Variants in NT5DC1 observed in about 807,000 individuals in gnomAD.
NT5DC1 encodes the protein 5'-nucleotidase domain-containing protein 1.
NT5DC1 carries 42 observed loss-of-function variants against 59.4 expected under a neutral mutation model. The ratio of observed to expected loss-of-function variants is 0.71; its 90% CI spans 0.55 to 0.92. The LOEUF is 0.92. NT5DC1 is among the 40% of genes least tolerant of loss of function. The pLI, the probability that NT5DC1 is intolerant of heterozygous loss-of-function variation, is 0.00. For missense variants in NT5DC1, 501 were observed against 537.1 expected (o/e 0.93, Z 0.66); for synonymous variants, 172 against 188.1 (o/e 0.91, Z 0.70).
Position 116,246,685 on chromosome 6 carries a change from A to T in NT5DC1, c.*2661A>T, listed in dbSNP as rs1035345023. Reference sequence around the variant, plus strand: ...CTTACATCTTTTCAGCCTCTTGAGTACAAGAAGACTATCATAAGAGTTAGT... The same window carrying T: ...CTTACATCTTTTCAGCCTCTTGAGTTCAAGAAGACTATCATAAGAGTTAGT... On this transcript the variant is annotated 3_prime_UTR_variant, in exon 12 of 12. Transcript: ENST00000319550. 3.9e-5 allele frequency: 6 copies of T among 152,172 alleles called. No homozygotes were observed. The highest frequency in any genetic ancestry group is 7.4e-5 in the Non-Finnish European group (5 of 68,004). The allele number at this position is 152,172 out of a possible 1,614,324, so 9.4% of individuals were successfully genotyped here. A position where few individuals can be genotyped will look rare whatever the true frequency, so the allele number is the denominator to read the frequency against.
Position 116,108,769 on chromosome 6 carries a change from C to T in NT5DC1, c.257+334C>T, listed in dbSNP as rs527968279. Among the ~76,000 whole-genome samples the T allele has an allele frequency of 1.1e-4, 16 of 152,240 alleles. No individual in the cohort carries two copies. The East Asian group carries it at 2.9e-3, about 28-fold the overall frequency. On this transcript the variant is annotated intron_variant, in intron 3 of 11. Coordinates refer to ENST00000319550, the MANE Select transcript of NT5DC1 (RefSeq NM_152729.3). ...ACTGTTTTAGCTGACTGTGTGGCTG[C>T]CTAAAATAAAATTGGGATTCTTTTT...
rs6926231 is a variant in NT5DC1, at chr6:116,222,644, A to C, written c.705-390A>C. Among the ~76,000 whole-genome samples the C allele has an allele frequency of 4.3e-3, 651 of 152,302 alleles. 4 individuals carry two copies. Among genetic ancestry groups the C allele is most frequent in the African/African-American group, 0.015 (614 of 41,560 alleles). ...CTGCTTTCTGTGGGACCCATGTAAC[A>C]CACAAAATTGTTAACTCTTCAAGCT... On this transcript the variant is annotated intron_variant, in intron 7 of 11. Coordinates refer to ENST00000319550, the MANE Select transcript of NT5DC1 (RefSeq NM_152729.3).
At chr6:116,122,577 C>A (rs61248677) in intron 6 of NT5DC1, among the ~76,000 whole-genome samples, 7,150 of 152,220 alleles carry the variant, frequency 0.047, 264 homozygotes, top group African/African-American at 0.098. Flanking sequence ...AAAGTTCTTA[C>A]CTAAATACAA....
chr6:116,239,169 A>G, intron 11 of NT5DC1, 46 bp downstream of exon 11: 1 of 1,301,056 alleles, frequency 7.7e-7, no homozygotes, highest in East Asian at 2.3e-5. Flanking sequence ...ACTAGACAAT[A>G]ATGACCAGTA....
intron 6 of NT5DC1, among the ~76,000 whole-genome samples, chr6:116,205,441 TAGAA>T (rs979350468): frequency 3.1e-4 from 47 of 150,334 alleles, no homozygotes; most frequent in African/African-American, 1.1e-3. Flanking sequence ...CATTTAACCT[TAGAA>T]AGATAATTTC....
At chr6:116,170,839 G>A (rs140973267) in intron 6 of NT5DC1, among the ~76,000 whole-genome samples, 14 of 152,194 alleles carry the variant, frequency 9.2e-5, no homozygotes, top group Admixed American at 2.0e-4. Context: ...CCCACCTGCC[G>A]TGTAGCCTAT....
chr6:116,207,733 T>C (rs1781486734), intron 6 of NT5DC1, among the ~76,000 whole-genome samples: 1 of 151,904 alleles, frequency 6.6e-6, no homozygotes, highest in Non-Finnish European at 1.5e-5. Context: ...CAGCCATTAC[T>C]CAACTGTGAA....
Position 116,238,187 on chromosome 6 carries a change from G to T in NT5DC1, c.922G>T (p.Val308Phe), listed in dbSNP as rs762242831. ...KKMTGKPEPK[V>F]VYFGDSMHSD... Reference sequence around the variant, plus strand: ...ACAGCATCTGCTATCTGTCTTACAGGTTGTTTATTTTGGTGACAGCATGCA... The same window carrying T: ...ACAGCATCTGCTATCTGTCTTACAGTTTGTTTATTTTGGTGACAGCATGCA... Residue 308 changes from valine (V) to phenylalanine (F), a missense_variant and splice_region_variant, in exon 10 of 12, where the codon GTT becomes TTT. Val to Phe is a conservative substitution (Grantham distance 50). Coordinates refer to ENST00000319550, the MANE Select transcript of NT5DC1 (RefSeq NM_152729.3). 2 of 1,606,488 alleles carry T rather than the reference G, an allele frequency of 1.2e-6. No homozygotes were observed. The highest frequency in any genetic ancestry group is 8.5e-7 in the Non-Finnish European group (1 of 1,176,032).
Position 116,108,372 on chromosome 6 carries a change from G to A in NT5DC1, c.194G>A (p.Gly65Asp), listed in dbSNP as rs1288409056. ...AAACTTTCCTATTTCAGTTGCAAAG[G>A]TTTGGCATTGGATCTAGAAGATGGG... is the stretch of plus-strand genomic sequence containing the variant. ...TPEDWDFCCK[G>D]LALDLEDGNF... The change falls in exon 3 of 12, where the codon GGT (glycine) becomes GAT (aspartate). Residue 65 changes from glycine to aspartate, a missense_variant. Transcript: ENST00000319550. 1 of 1,601,200 alleles carries A rather than the reference G, an allele frequency of 6.2e-7. No homozygotes were observed. The highest frequency in any genetic ancestry group is 1.3e-5 in the African/African-American group (1 of 74,626).
At chr6:116,115,241 G>A (rs1778943234) in intron 4 of NT5DC1, among the ~76,000 whole-genome samples, 2 of 111,754 alleles carry the variant, frequency 1.8e-5, no homozygotes, top group South Asian at 5.4e-4. Flanking sequence ...GAAATTAAAT[G>A]GCATAAAAAT....
intron 3 of NT5DC1, among the ~76,000 whole-genome samples, chr6:116,109,911 A>T (rs904044542): frequency 6.6e-6 from 1 of 152,136 alleles, no homozygotes; most frequent in Non-Finnish European, 1.5e-5. Context: ...TAACATTTCA[A>T]CTACAGTAGT....
At chr6:116,234,541 A>T (rs891169065) in intron 8 of NT5DC1, among the ~76,000 whole-genome samples, 1 of 151,794 alleles carries the variant, frequency 6.6e-6, no homozygotes, top group Non-Finnish European at 1.5e-5. Context: ...TGGTTTCACC[A>T]TGCTGACCAG....
chr6:116,176,434 G>A (rs1312386280), intron 6 of NT5DC1, among the ~76,000 whole-genome samples: 1 of 152,168 alleles, frequency 6.6e-6, no homozygotes, highest in Non-Finnish European at 1.5e-5. Flanking sequence ...GTACACCAGG[G>A]TCTTGGGGAT....
At chr6:116,196,768 C>G (rs998394772) in intron 6 of NT5DC1, among the ~76,000 whole-genome samples, 1 of 151,890 alleles carries the variant, frequency 6.6e-6, no homozygotes, top group African/African-American at 2.4e-5. Context: ...GGCTCACTCT[C>G]TCCACCTTTT....
At chr6:116,217,880 A>G (rs919888233) in intron 6 of NT5DC1, among the ~76,000 whole-genome samples, 2 of 152,156 alleles carry the variant, frequency 1.3e-5, no homozygotes, top group Admixed American at 6.5e-5. Flanking sequence ...TAATACCTTG[A>G]CTTATTTCAA....
At position 116,110,880 on chromosome 6, in the gene NT5DC1, A is replaced by T; in HGVS notation, c.288A>T (p.Pro96=). The T allele has an allele frequency of 6.2e-7, 1 of 1,614,032 alleles. No individual in the cohort carries two copies. The highest frequency in any genetic ancestry group is 8.5e-7 in the Non-Finnish European group (1 of 1,179,838). ...RASHGTKMMT[P]EVLAEAYGKK... ...GCCATGGCACCAAGATGATGACTCC[A>T]GAGGTGCTGGCAGAGGCATATGGCA... The change falls in exon 4 of 12, where the codon CCA becomes CCT. Residue 96 remains proline, a synonymous_variant. Coordinates refer to ENST00000319550, the MANE Select transcript of NT5DC1 (RefSeq NM_152729.3).
At position 116,229,624 on chromosome 6, in the gene NT5DC1, G is replaced by A. The variant is rs190876549; in HGVS notation, c.802+6493G>A. Among the ~76,000 whole-genome samples, 4 of 152,222 alleles carry A rather than the reference G, an allele frequency of 2.6e-5. No homozygotes were observed. In the East Asian group the frequency reaches 5.8e-4, roughly 22 times the overall value. The stretch of plus-strand genomic sequence containing the variant: ...ACGTGCAGTGCGTCACCAGATCCTC[G>A]CCAGTGCTGAGGGTGGGGATACGGG... On this transcript the variant is annotated intron_variant, in intron 8 of 11. Coordinates refer to ENST00000319550, the MANE Select transcript of NT5DC1 (RefSeq NM_152729.3).
chr6:116,177,084 A>G (rs1293275084), intron 6 of NT5DC1, among the ~76,000 whole-genome samples: 1 of 152,222 alleles, frequency 6.6e-6, no homozygotes, highest in African/African-American at 2.4e-5. Context: ...TTTCTGTTAT[A>G]ATATGTGGAC....
intron 6 of NT5DC1, chr6:116,121,307 C>G: frequency 1.2e-6 from 2 of 1,614,036 alleles, no homozygotes; most frequent in South Asian, 2.2e-5. Context: ...GCCTGGGGCT[C>G]CAGCAGCTCC....
Sources: gnomAD v4.1 joint callset for allele counts (sites outside exome capture counted in the v4.1 genomes callset) on GRCh38, gnomAD v4.1.1 for gene constraint, MANE v1.5 for transcripts, NCBI Gene and HGNC (gene_info 2026-07-23, HGNC 2026-07-21) for gene names.